Variants in PLXDC2 observed in about 807,000 individuals in gnomAD.
The protein encoded by PLXDC2 is plexin domain-containing protein 2.
A neutral mutation model predicts 68.9 loss-of-function variants in PLXDC2; 40 were observed. That is an observed-to-expected ratio of 0.58 (90% CI 0.45 to 0.76). The LOEUF (loss-of-function observed/expected upper bound fraction) is 0.76, where lower values mean the gene tolerates loss of function less well. Among genes scored for constraint, PLXDC2 ranks in the 30% least tolerant of loss-of-function variants. The pLI is 0.00. For synonymous variants in PLXDC2, 243 were observed against 234.2 expected (o/e 1.04, Z -0.34); for missense variants, 644 against 661.9 (o/e 0.97, Z 0.30).
intron 1 of PLXDC2, among the ~76,000 whole-genome samples, chr10:19,908,718 T>TA (rs1833214691): frequency 6.6e-6 from 1 of 152,170 alleles, no homozygotes; most frequent in Non-Finnish European, 1.5e-5. Context: ...CTATGTATAT[T>TA]ACCTCATTTA....
chr10:20,263,067 A>C (rs2119368541), intron 13 of PLXDC2, among the ~76,000 whole-genome samples: 1 of 152,364 alleles, frequency 6.6e-6, no homozygotes, highest in African/African-American at 2.4e-5. Context: ...CTGAGCAAAA[A>C]GAACAAAGCT....
intron 1 of PLXDC2, among the ~76,000 whole-genome samples, chr10:19,893,982 A>G (rs1286662691): frequency 6.6e-6 from 1 of 152,162 alleles, no homozygotes; most frequent in East Asian, 1.9e-4. Flanking sequence ...TCACTGCCCT[A>G]GAGTTGGATT....
At chr10:19,821,793 A>G (rs191310266) in intron 1 of PLXDC2, among the ~76,000 whole-genome samples, 51 of 152,316 alleles carry the variant, frequency 3.3e-4, no homozygotes, top group African/African-American at 1.2e-3. Flanking sequence ...CTGCTAAACT[A>G]TCCTTCTACT....
intron 13 of PLXDC2, among the ~76,000 whole-genome samples, chr10:20,263,443 A>G (rs902528839): frequency 1.3e-5 from 2 of 152,200 alleles, no homozygotes; most frequent in African/African-American, 4.8e-5. Context: ...TGACATAGAA[A>G]CGGGCAAAGG....
chr10:20,139,494 A>C (rs1833973363), intron 4 of PLXDC2, among the ~76,000 whole-genome samples: 1 of 152,238 alleles, frequency 6.6e-6, no homozygotes, highest in Non-Finnish European at 1.5e-5. Flanking sequence ...ATGTAAATAA[A>C]ATAGTTAAAA....
At chr10:20,100,613 A>G (rs1589629220) in intron 4 of PLXDC2, among the ~76,000 whole-genome samples, 1 of 152,182 alleles carries the variant, frequency 6.6e-6, no homozygotes, top group Non-Finnish European at 1.5e-5. Context: ...TCTCCCTGAT[A>G]TGTAATGTCA....
intron 1 of PLXDC2, among the ~76,000 whole-genome samples, chr10:19,821,137 T>A (rs1297138045): frequency 6.6e-6 from 1 of 152,210 alleles, no homozygotes; most frequent in Non-Finnish European, 1.5e-5. Context: ...AGTCTTCAGC[T>A]ACTTTCTCCT....
rs1834391354 is a variant in PLXDC2, at chr10:20,167,552, T to C, written c.883+2985T>C. Among the ~76,000 whole-genome samples the C allele has an allele frequency of 2.0e-5, 3 of 152,170 alleles. No individual in the cohort carries two copies. In the South Asian group the frequency reaches 6.2e-4, roughly 32 times the overall value. Reference sequence around the variant, plus strand: ...GTAGGGAATTTAAATACTTTGCCTCTGTTAACTTTTTTACCCCCACCAAGT... The same window carrying C: ...GTAGGGAATTTAAATACTTTGCCTCCGTTAACTTTTTTACCCCCACCAAGT... On this transcript the variant is annotated intron_variant, in intron 7 of 13. Transcript: ENST00000377252.
intron 9 of PLXDC2, among the ~76,000 whole-genome samples, chr10:20,207,401 G>C (rs531357707): frequency 1.9e-4 from 29 of 152,246 alleles, no homozygotes; most frequent in African/African-American, 7.0e-4. Context: ...GCAAATTTAA[G>C]ATTTGGCACC....
chr10:19,871,153 G>C (rs534692015), intron 1 of PLXDC2, among the ~76,000 whole-genome samples: 10 of 152,244 alleles, frequency 6.6e-5, no homozygotes, highest in Admixed American at 3.3e-4. Flanking sequence ...AAGAAGAGAA[G>C]AACAGCAAAG....
intron 1 of PLXDC2, among the ~76,000 whole-genome samples, chr10:19,947,836 G>A (rs151148057): frequency 2.0e-5 from 3 of 151,792 alleles, no homozygotes; most frequent in African/African-American, 7.2e-5. Flanking sequence ...AGATGGATAG[G>A]TTTCGTTCGT....
intron 13 of PLXDC2, among the ~76,000 whole-genome samples, chr10:20,254,174 A>C (rs956704777): frequency 2.2e-4 from 34 of 152,194 alleles, no homozygotes; most frequent in Admixed American, 1.9e-3. Context: ...ATCCCAAGAA[A>C]TATTTCTGGA....
intron 1 of PLXDC2, among the ~76,000 whole-genome samples, chr10:19,872,822 A>G (rs1045336595): frequency 2.0e-5 from 3 of 152,124 alleles, no homozygotes; most frequent in Non-Finnish European, 1.5e-5. Context: ...GTCAACCCAA[A>G]TGTAAAAAAA....
intron 2 of PLXDC2, among the ~76,000 whole-genome samples, chr10:20,022,269 A>G (rs1200973694): frequency 6.6e-6 from 1 of 152,234 alleles, no homozygotes; most frequent in Non-Finnish European, 1.5e-5. Flanking sequence ...TTTTTAGTAA[A>G]TGAAGCAGAT....
chr10:19,884,942 G>T (rs868251755), intron 1 of PLXDC2, among the ~76,000 whole-genome samples: 140 of 152,262 alleles, frequency 9.2e-4, no homozygotes, highest in South Asian at 3.5e-3. Context: ...ACTTCCACAA[G>T]GGTTGAACTA....
At chr10:20,057,796 G>A (rs1408829578) in intron 3 of PLXDC2, among the ~76,000 whole-genome samples, 2 of 151,856 alleles carry the variant, frequency 1.3e-5, no homozygotes, top group Admixed American at 6.6e-5. Context: ...TAAACTGTAG[G>A]ATGCAAAAAG....
chr10:20,214,889 A>G (rs1336385034), intron 10 of PLXDC2, among the ~76,000 whole-genome samples: 1 of 152,002 alleles, frequency 6.6e-6, no homozygotes, highest in Admixed American at 6.6e-5. Context: ...TCCATTCTAT[A>G]CTCCTTGAGT....
At chr10:20,266,597 G>A (rs1835875759) in intron 13 of PLXDC2, among the ~76,000 whole-genome samples, 1 of 152,144 alleles carries the variant, frequency 6.6e-6, no homozygotes, top group Non-Finnish European at 1.5e-5. Flanking sequence ...AATTCATGGT[G>A]TTTCAGTGAG....
intron 4 of PLXDC2, among the ~76,000 whole-genome samples, chr10:20,128,623 T>C (rs890738802): frequency 3.3e-5 from 5 of 152,150 alleles, no homozygotes; most frequent in Admixed American, 6.5e-5. Context: ...TCTGAAAAAC[T>C]GAAACCTTAT....
Sources: allele counts gnomAD v4.1 joint callset (sites outside exome capture counted in the v4.1 genomes callset), GRCh38; gene constraint gnomAD v4.1.1; transcripts MANE v1.5; gene names NCBI Gene and HGNC (gene_info 2026-07-23, HGNC 2026-07-21).